The following KAT2B variants were observed in gnomAD, a reference collection of about 807,000 sequenced individuals.
The protein encoded by KAT2B is histone acetyltransferase KAT2B.
KAT2B carries 36 observed loss-of-function variants against 105.9 expected under a neutral mutation model. The ratio of observed to expected loss-of-function variants is 0.34; its 90% CI spans 0.26 to 0.45. The LOEUF (loss-of-function observed/expected upper bound fraction) is 0.45, where lower values mean the gene tolerates loss of function less well. Among genes scored for constraint, KAT2B ranks in the 20% least tolerant of loss-of-function variants. The pLI is 1.00. For missense variants in KAT2B, 820 were observed against 1,021.6 expected (o/e 0.80, Z 2.69); for synonymous variants, 397 against 377.9 (o/e 1.05, Z -0.59).
At chr3:20,043,183 C>T (rs1486320610) in intron 1 of KAT2B, among the ~76,000 whole-genome samples, 1 of 152,172 alleles carries the variant, frequency 6.6e-6, no homozygotes, top group East Asian at 1.9e-4. Flanking sequence ...AGATTATAGG[C>T]ATGGGCCACC....
At chr3:20,131,898 TA>T (rs1369980346) in intron 11 of KAT2B, among the ~76,000 whole-genome samples, 2 of 152,234 alleles carry the variant, frequency 1.3e-5, no homozygotes, top group Non-Finnish European at 2.9e-5. Flanking sequence ...TTTACTATAT[TA>T]AAAATCTTGG....
At chr3:20,131,493 A>T (rs1226347200) in intron 11 of KAT2B, among the ~76,000 whole-genome samples, 2 of 152,166 alleles carry the variant, frequency 1.3e-5, no homozygotes, top group Admixed American at 1.3e-4. Flanking sequence ...ATGGAGTAAA[A>T]CTGAATGGGT....
At chr3:20,077,706 G>A (rs1421732383) in intron 2 of KAT2B, among the ~76,000 whole-genome samples, 1 of 152,122 alleles carries the variant, frequency 6.6e-6, no homozygotes, top group Non-Finnish European at 1.5e-5. Flanking sequence ...CTATTGAATT[G>A]TGCTGGTTTA....
chr3:20,047,638 C>T (rs1349822237), intron 1 of KAT2B, among the ~76,000 whole-genome samples: 3 of 139,064 alleles, frequency 2.2e-5, no homozygotes, highest in Non-Finnish European at 3.1e-5. Context: ...GACGGAGCCT[C>T]ACTCTGTCAC....
chr3:20,118,309 T>C (rs1699242271), intron 7 of KAT2B, among the ~76,000 whole-genome samples: 1 of 145,504 alleles, frequency 6.9e-6, no homozygotes, highest in Non-Finnish European at 1.5e-5. Flanking sequence ...TATATAGGTA[T>C]ATATATTTTC....
At chr3:20,040,892 C>A (rs969573541) in intron 1 of KAT2B, 112 bp downstream of exon 1, 3 of 1,276,984 alleles carry the variant, frequency 2.3e-6, no homozygotes, top group East Asian at 3.0e-5. Context: ...TCTCGCCTCC[C>A]GCCTGGGGCC....
intron 2 of KAT2B, among the ~76,000 whole-genome samples, chr3:20,081,052 C>T (rs1035119434): frequency 1.3e-5 from 2 of 152,084 alleles, no homozygotes; most frequent in South Asian, 2.1e-4. Flanking sequence ...AATGAAACCA[C>T]TTTTAAATGA....
intron 1 of KAT2B, among the ~76,000 whole-genome samples, chr3:20,068,559 A>G (rs890387327): frequency 6.6e-6 from 1 of 151,958 alleles, no homozygotes; most frequent in Non-Finnish European, 1.5e-5. Context: ...CCATAGCACC[A>G]TCACATTCTC....
intron 14 of KAT2B, among the ~76,000 whole-genome samples, 192 bp from the exon 15 acceptor site, chr3:20,147,771 T>C (rs545706544): frequency 6.6e-6 from 1 of 152,300 alleles, no homozygotes; most frequent in East Asian, 1.9e-4. Context: ...TGGGGCAGCG[T>C]TGTTAGTCTT....
intron 1 of KAT2B, among the ~76,000 whole-genome samples, chr3:20,046,746 C>T (rs1697818456): frequency 6.6e-6 from 1 of 152,148 alleles, no homozygotes; most frequent in African/African-American, 2.4e-5. Context: ...ATTTGTCAGT[C>T]ACTCCCCCAG....
chr3:20,082,915 C>G (rs1268920841), intron 2 of KAT2B, among the ~76,000 whole-genome samples: 1 of 152,172 alleles, frequency 6.6e-6, no homozygotes, highest in Non-Finnish European at 1.5e-5. Flanking sequence ...GGCAGGTACA[C>G]AGGAGATCAA....
At chr3:20,104,890 GT>G (rs60864750) in intron 5 of KAT2B, among the ~76,000 whole-genome samples, 87,158 of 143,512 alleles carry the variant, frequency 0.61, 26,336 homozygotes, top group African/African-American at 0.74. Context: ...TTGTTTTTTT[GT>G]TTTTTTTTTT....
At chr3:20,090,263 A>T (rs964272427) in intron 2 of KAT2B, among the ~76,000 whole-genome samples, 1 of 151,952 alleles carries the variant, frequency 6.6e-6, no homozygotes, top group African/African-American at 2.4e-5. Flanking sequence ...GGGTGGGTAT[A>T]TTTTTCTTGT....
chr3:20,054,129 G>GT (rs1372448776), intron 1 of KAT2B, among the ~76,000 whole-genome samples: 15 of 149,854 alleles, frequency 1.0e-4, no homozygotes, highest in Non-Finnish European at 1.5e-4. Flanking sequence ...TTTGTTTTTT[G>GT]TTTTTTTGTT....
chr3:20,130,412 G>T (rs1699488701), intron 11 of KAT2B, among the ~76,000 whole-genome samples: 1 of 152,136 alleles, frequency 6.6e-6, no homozygotes, highest in East Asian at 1.9e-4. Flanking sequence ...ATGTCCAGAT[G>T]TTTCCAAATG....
chr3:20,041,235 G>C (rs182624854), intron 1 of KAT2B, among the ~76,000 whole-genome samples: 23 of 152,054 alleles, frequency 1.5e-4, no homozygotes, highest in African/African-American at 4.8e-4. Context: ...TGCAAGGAGT[G>C]GGGGTGGAGA....
At chr3:20,090,387 A>T (rs981696838) in intron 2 of KAT2B, among the ~76,000 whole-genome samples, 5 of 152,072 alleles carry the variant, frequency 3.3e-5, no homozygotes, top group African/African-American at 1.2e-4. Flanking sequence ...CTCTATGCCT[A>T]ATTTGTTGAG....
intron 11 of KAT2B, among the ~76,000 whole-genome samples, chr3:20,132,834 T>C (rs999245031): frequency 6.6e-6 from 1 of 152,220 alleles, no homozygotes; most frequent in African/African-American, 2.4e-5. Context: ...AATTGGATTA[T>C]GGATGAAGGG....
chr3:20,140,684 G>A (rs933258709), intron 13 of KAT2B, among the ~76,000 whole-genome samples: 12 of 152,128 alleles, frequency 7.9e-5, no homozygotes, highest in Non-Finnish European at 1.6e-4. Context: ...TGGAGACAGC[G>A]TTTCACCATG....
Sources: gnomAD v4.1 joint callset for allele counts (sites outside exome capture counted in the v4.1 genomes callset) on GRCh38, gnomAD v4.1.1 for gene constraint, MANE v1.5 for transcripts, NCBI Gene and HGNC (gene_info 2026-07-23, HGNC 2026-07-21) for gene names.